The following MTHFD1L variants were observed in gnomAD, a reference collection of about 807,000 sequenced individuals.
The protein encoded by MTHFD1L is monofunctional C1-tetrahydrofolate synthase, mitochondrial.
Under a neutral mutation model 119.5 loss-of-function variants are expected in MTHFD1L, and 81 were observed. That is an observed-to-expected ratio of 0.68 (90% CI 0.57 to 0.82). The LOEUF (loss-of-function observed/expected upper bound fraction) is 0.82. MTHFD1L is among the 40% of genes least tolerant of loss of function. The pLI is 0.00. For synonymous variants in MTHFD1L, 430 were observed against 475.2 expected (o/e 0.90, Z 1.24); for missense variants, 1,125 against 1,253.4 (o/e 0.90, Z 1.55).
intron 20 of MTHFD1L, among the ~76,000 whole-genome samples, chr6:151,003,283 A>G (rs966137549): frequency 4.6e-5 from 7 of 152,110 alleles, no homozygotes; most frequent in African/African-American, 1.4e-4. Context: ...TGTAATCCCA[A>G]CACTTTGGGA....
At chr6:150,969,065 T>A (rs1797660310) in intron 19 of MTHFD1L, among the ~76,000 whole-genome samples, 1 of 151,898 alleles carries the variant, frequency 6.6e-6, no homozygotes, top group Non-Finnish European at 1.5e-5. Flanking sequence ...GCCAGGCTGG[T>A]CTCGAACTCC....
At position 150,922,282 on chromosome 6, in the gene MTHFD1L, G is replaced by A. The variant is rs1394228246; in HGVS notation, c.1062G>A (p.Gln354=). Residue 354 remains glutamine, a synonymous_variant, in exon 10 of 28, where the codon CAG becomes CAA. Transcript: ENST00000367321. ...GGAGACTTCACTGCTTGAAACTTCA[G>A]CCTCTCTCCCCTGTGCCAAGGTAAC... The part of the protein sequence containing the change: ...RRWRLHCLKL[Q]PLSPVPSDIE... The A allele has an allele frequency of 3.1e-6, 5 of 1,613,822 alleles. No individual in the cohort carries two copies. Among genetic ancestry groups the A allele is most frequent in the Non-Finnish European group, 3.4e-6 (4 of 1,179,880 alleles).
At chr6:150,953,639 A>G (rs1795164065) in intron 16 of MTHFD1L, among the ~76,000 whole-genome samples, 2 of 152,062 alleles carry the variant, frequency 1.3e-5, no homozygotes, top group South Asian at 4.1e-4. Context: ...CTTATGTATC[A>G]CTGATGCATC....
chr6:150,908,985 T>G (rs746665347), intron 8 of MTHFD1L, among the ~76,000 whole-genome samples: 7 of 152,114 alleles, frequency 4.6e-5, no homozygotes, highest in Non-Finnish European at 7.3e-5. Context: ...TAATGAAATT[T>G]TTATTCTTAC....
At position 150,901,964 on chromosome 6, in the gene MTHFD1L, C is replaced by CTT. The variant is rs113707030; in HGVS notation, c.781-3676_781-3675dup. Reference sequence around the variant, plus strand: ...TAAACCACAATTCTTTAGAAAATATCTTTTTTTTTTTACCCATTCTGGATT... The same window carrying CTT: ...TAAACCACAATTCTTTAGAAAATATCTTTTTTTTTTTTTACCCATTCTGGATT... On this transcript the variant is annotated intron_variant, in intron 7 of 27. Coordinates refer to ENST00000367321, the MANE Select transcript of MTHFD1L (RefSeq NM_015440.5). 1.7e-4 allele frequency among the ~76,000 whole-genome samples: 25 copies of CTT among 146,524 alleles called. No homozygotes were observed. The East Asian group carries it at 4.3e-3, about 25-fold the overall frequency.
At chr6:150,888,056 A>G (rs1246128541) in intron 7 of MTHFD1L, 75 bp downstream of exon 7, 4 of 1,427,906 alleles carry the variant, frequency 2.8e-6, no homozygotes, top group East Asian at 2.5e-5. Flanking sequence ...TGTATAAGCT[A>G]AGTGCTTAAT....
chr6:151,031,685 T>G (rs529297969), intron 24 of MTHFD1L, among the ~76,000 whole-genome samples: 118 of 152,370 alleles, frequency 7.7e-4, no homozygotes, highest in Non-Finnish European at 1.3e-3. Context: ...AAAACAAGTT[T>G]TAAATTTTGC....
chr6:150,948,368 G>A (rs1001408365), intron 15 of MTHFD1L, among the ~76,000 whole-genome samples: 12 of 151,776 alleles, frequency 7.9e-5, no homozygotes, highest in African/African-American at 2.9e-4. Context: ...CACTCAGGCT[G>A]GAGTGCAGTG....
rs751082151 is a variant in MTHFD1L at position 150,866,011 on chromosome 6, C to G, written c.189C>G (p.Pro63=). The G allele has an allele frequency of 1.4e-6, 2 of 1,389,080 alleles. No homozygotes were observed. The highest frequency in any genetic ancestry group is 1.9e-6 in the Non-Finnish European group (2 of 1,076,742). 86.0% of individuals were successfully genotyped at this position (1,389,080 alleles called of 1,614,324 possible). A position where few individuals can be genotyped will look rare whatever the true frequency, so the allele number is the denominator to read the frequency against. Residue 63 remains proline (P), a synonymous_variant, in exon 1 of 28, where the codon CCC becomes CCG. Coordinates refer to ENST00000367321, the MANE Select transcript of MTHFD1L (RefSeq NM_015440.5). The part of the protein sequence containing the change: ...QDGQARSSCS[P]GGRTPAARDS... ...GCCAGGCCCGGAGCAGCTGCAGCCC[C>G]GGCGGCCGAACGCCCGCGGCGCGGG...
intron 16 of MTHFD1L, among the ~76,000 whole-genome samples, chr6:150,951,318 C>G (rs554655967): frequency 3.8e-4 from 58 of 152,196 alleles, no homozygotes; most frequent in African/African-American, 1.3e-3. Flanking sequence ...AGACATGAAC[C>G]ACTGCACCCA....
chr6:150,980,821 G>A (rs1777381858), intron 20 of MTHFD1L, among the ~76,000 whole-genome samples: 1 of 151,712 alleles, frequency 6.6e-6, no homozygotes, highest in African/African-American at 2.4e-5. Flanking sequence ...TCTTTTTTCT[G>A]CTTCTCTCCT....
rs1331232430 is a variant in MTHFD1L, at chr6:150,935,710, C to T, written c.1257-1094C>T. On this transcript the variant is annotated intron_variant, in intron 11 of 27. Coordinates refer to ENST00000367321, the MANE Select transcript of MTHFD1L (RefSeq NM_015440.5). Reference sequence around the variant, plus strand: ...TTTTGTTGAACAATCAGATGCCCAACTCTGTTGCCTTGTGGAAGATGAGTA... The same window carrying T: ...TTTTGTTGAACAATCAGATGCCCAATTCTGTTGCCTTGTGGAAGATGAGTA... 8.4e-6 allele frequency: 5 copies of T among 592,300 alleles called. No homozygotes were observed. The East Asian group carries it at 1.2e-4, about 15-fold the overall frequency. 36.7% of individuals were successfully genotyped at this position (592,300 alleles called of 1,614,324 possible). A position where few individuals can be genotyped will look rare whatever the true frequency, so the allele number is the denominator to read the frequency against.
chr6:150,879,215 A>G (rs1780959801), intron 4 of MTHFD1L, among the ~76,000 whole-genome samples: 2 of 152,306 alleles, frequency 1.3e-5, no homozygotes, highest in South Asian at 4.1e-4. Context: ...ACAAATACCT[A>G]TGATACCAGC....
chr6:151,071,948 T>A (rs954093537), intron 26 of MTHFD1L, among the ~76,000 whole-genome samples: 6 of 148,562 alleles, frequency 4.0e-5, no homozygotes, highest in South Asian at 2.2e-4. Context: ...GTTCAAGCAG[T>A]TCTCCTGCCT....
intron 20 of MTHFD1L, among the ~76,000 whole-genome samples, chr6:151,001,440 G>A (rs1375888638): frequency 2.0e-5 from 3 of 152,234 alleles, no homozygotes; most frequent in Non-Finnish European, 4.4e-5. Context: ...TTTCCCCAGT[G>A]TAAAAGCAGA....
At chr6:150,938,805 T>C (rs1051752800) in intron 13 of MTHFD1L, 60 bp downstream of exon 13, 1 of 1,547,528 alleles carries the variant, frequency 6.5e-7, no homozygotes, top group African/African-American at 1.4e-5. Flanking sequence ...ACATCTTGTC[T>C]CTGCTCCCAT....
At chr6:150,895,700 C>T (rs1562335175) in intron 7 of MTHFD1L, among the ~76,000 whole-genome samples, 1 of 146,462 alleles carries the variant, frequency 6.8e-6, no homozygotes. Flanking sequence ...TCATGAAAGA[C>T]TTTTAAAAGT....
chr6:151,012,019 CAAAAAAA>C (rs1043831602), intron 21 of MTHFD1L, among the ~76,000 whole-genome samples: 820 of 58,706 alleles, frequency 0.014, 18 homozygotes, highest in African/African-American at 0.044. Flanking sequence ...ACAACAACAA[CAAAAAAA>C]AAAAAAAAAA....
rs769680367 is a variant in MTHFD1L, at chr6:150,918,620, C to A, written c.936C>A (p.Leu312=). 8 of 1,613,958 alleles carry A rather than the reference C, an allele frequency of 5.0e-6. No homozygotes were observed. The Admixed American group carries it at 5.0e-5, about 10-fold the overall frequency. The part of the protein sequence containing the change: ...CGSPRIHFGG[L]IEEDDVILLA... Reference sequence around the variant, plus strand: ...CTCCAAGAATACATTTTGGTGGACTCATTGAGGAAGATGATGTGATTCTCC... The same window carrying A: ...CTCCAAGAATACATTTTGGTGGACTAATTGAGGAAGATGATGTGATTCTCC... The change falls in exon 9 of 28, where the codon CTC becomes CTA. Residue 312 remains leucine (L), a synonymous_variant. Transcript: ENST00000367321.
Sources: gnomAD v4.1 joint callset for allele counts (sites outside exome capture counted in the v4.1 genomes callset) on GRCh38, gnomAD v4.1.1 for gene constraint, MANE v1.5 for transcripts, NCBI Gene and HGNC (gene_info 2026-07-23, HGNC 2026-07-21) for gene names.